RNF150: variants seen among roughly 807,000 people sequenced by gnomAD.
The protein encoded by RNF150 is ring finger protein 150.
In RNF150, 24 loss-of-function variants were observed where a neutral mutation model predicts 39.3. That is an observed-to-expected ratio of 0.61 (90% CI 0.44 to 0.86). The LOEUF is 0.86. RNF150 is among the 40% of genes least tolerant of loss of function. RNF150 has a pLI of 0.00. For missense variants in RNF150, 502 were observed against 587.8 expected, an observed-to-expected ratio of 0.85 and a Z score of 1.51; for synonymous variants, 255 against 227.3, an observed-to-expected ratio of 1.12 and a Z score of -1.10.
In RNF150 at chr4:141,132,324, C is replaced by A. The variant is rs1376305385; in HGVS notation, c.484+1G>T. The A allele has an allele frequency of 6.4e-7, 1 of 1,571,912 alleles. No individual in the cohort carries two copies. Among genetic ancestry groups the A allele is most frequent in the Admixed American group, 1.9e-5 (1 of 52,976 alleles). On this transcript the variant is annotated splice_donor_variant, in intron 1 of 6. Transcript: ENST00000515673. LOFTEE classifies it high-confidence loss of function. The surrounding 1 kb of genome is among the most constrained non-coding windows in gnomAD (Gnocchi z 4.9). ...TCCCCCGCGCCCGCTGGGCCACTCA[C>A]CCGCGTGGGGCATGGTGATGGTCTC...
chr4:141,025,935 G>C (rs1010206829), intron 1 of RNF150, among the ~76,000 whole-genome samples: 4 of 152,080 alleles, frequency 2.6e-5, no homozygotes, highest in Non-Finnish European at 2.9e-5. Context: ...CAATGATTAG[G>C]TCACAAGAGT....
intron 4 of RNF150, among the ~76,000 whole-genome samples, 185 bp from the exon 5 acceptor site, chr4:140,926,258 GTC>G (rs1731396028): frequency 6.6e-6 from 1 of 152,152 alleles, no homozygotes; most frequent in African/African-American, 2.4e-5. Flanking sequence ...GTCAAAATCT[GTC>G]TGGATCCCAA....
intron 5 of RNF150, among the ~76,000 whole-genome samples, chr4:140,917,594 G>A (rs1342664321): frequency 6.6e-6 from 1 of 152,146 alleles, no homozygotes; most frequent in Non-Finnish European, 1.5e-5. Flanking sequence ...CATAATGGGA[G>A]ACTTTAACAC....
intron 1 of RNF150, among the ~76,000 whole-genome samples, chr4:141,027,032 C>A (rs551314584): frequency 6.6e-6 from 1 of 152,104 alleles, no homozygotes; most frequent in African/African-American, 2.4e-5. Context: ...TTCCTTACAG[C>A]GACTTTTCTA....
intron 1 of RNF150, among the ~76,000 whole-genome samples, chr4:141,168,679 T>G (rs1727643967): frequency 6.6e-6 from 1 of 152,018 alleles, no homozygotes; most frequent in African/African-American, 2.4e-5. Context: ...TCATTCTCAG[T>G]AAACTAACAC....
At chr4:141,189,636 G>C (rs1286812506) in intron 1 of RNF150, among the ~76,000 whole-genome samples, 1 of 152,140 alleles carries the variant, frequency 6.6e-6, no homozygotes, top group Non-Finnish European at 1.5e-5. Context: ...GGCCACAGTT[G>C]CTTTGCTGCA....
intron 1 of RNF150, among the ~76,000 whole-genome samples, chr4:141,048,460 G>A (rs969636815): frequency 2.6e-5 from 4 of 152,178 alleles, no homozygotes; most frequent in Non-Finnish European, 4.4e-5. Flanking sequence ...CCTGGGTGCA[G>A]TGGTTCATGG....
intron 1 of RNF150, among the ~76,000 whole-genome samples, chr4:141,199,912 C>T (rs1262113583): frequency 1.3e-5 from 2 of 152,078 alleles, no homozygotes; most frequent in African/African-American, 4.8e-5. Flanking sequence ...GTAGAATGCC[C>T]TCAATATTTA....
chr4:141,108,050 C>T (rs906460558), intron 1 of RNF150, among the ~76,000 whole-genome samples: 5 of 152,168 alleles, frequency 3.3e-5, no homozygotes, highest in Middle Eastern at 3.2e-3. Flanking sequence ...ATCTCCAAAG[C>T]GTGACTCTCC....
chr4:141,122,802 T>C (rs1164979484), intron 1 of RNF150, among the ~76,000 whole-genome samples: 2 of 152,258 alleles, frequency 1.3e-5, no homozygotes, highest in African/African-American at 2.4e-5. Flanking sequence ...TGGTTCTTAC[T>C]ATCTCTTTTT....
At chr4:140,924,805 A>T (rs1731322722) in intron 5 of RNF150, among the ~76,000 whole-genome samples, 2 of 152,238 alleles carry the variant, frequency 1.3e-5, no homozygotes, top group South Asian at 4.1e-4. Flanking sequence ...TCAAAGGTAT[A>T]GTCACACAAG....
chr4:140,924,205 C>T (rs201746439), intron 5 of RNF150, among the ~76,000 whole-genome samples: 12 of 152,162 alleles, frequency 7.9e-5, no homozygotes, highest in East Asian at 3.9e-4. Context: ...AAATCCTATC[C>T]GACTTGTTAG....
intron 6 of RNF150, among the ~76,000 whole-genome samples, chr4:140,904,466 A>G (rs1294527468): frequency 6.6e-6 from 1 of 152,296 alleles, no homozygotes; most frequent in East Asian, 1.9e-4. Flanking sequence ...TCCAGCTGGC[A>G]TATTTATCCA....
chr4:141,072,108 T>C (rs1737728527), intron 1 of RNF150, among the ~76,000 whole-genome samples: 1 of 152,218 alleles, frequency 6.6e-6, no homozygotes, highest in African/African-American at 2.4e-5. Flanking sequence ...TGCTGCTGCA[T>C]GAACAAACAC....
At chr4:141,049,942 T>C (rs1736714971) in intron 1 of RNF150, among the ~76,000 whole-genome samples, 1 of 152,078 alleles carries the variant, frequency 6.6e-6, no homozygotes, top group Admixed American at 6.6e-5. Flanking sequence ...GAAATATATG[T>C]ACAACTATGT....
intron 2 of RNF150, among the ~76,000 whole-genome samples, chr4:140,949,898 T>G (rs1200918645): frequency 6.6e-6 from 1 of 152,232 alleles, no homozygotes; most frequent in Non-Finnish European, 1.5e-5. Context: ...GTGGCAATTT[T>G]ACCTCCTTTA....
intron 4 of RNF150, among the ~76,000 whole-genome samples, chr4:140,927,838 G>A (rs1183371135): frequency 2.0e-5 from 3 of 151,588 alleles, no homozygotes; most frequent in African/African-American, 7.3e-5. Flanking sequence ...TAGTAGAGAC[G>A]GGGTTTTGCC....
At chr4:140,935,979 A>C (rs1010654249) in intron 4 of RNF150, among the ~76,000 whole-genome samples, 1 of 152,202 alleles carries the variant, frequency 6.6e-6, no homozygotes, top group African/African-American at 2.4e-5. Flanking sequence ...TCATTCTAAC[A>C]TCTGTCACCA....
chr4:140,958,952 C>T (rs34827828), intron 2 of RNF150, among the ~76,000 whole-genome samples: 10,285 of 152,202 alleles, frequency 0.068, 433 homozygotes, highest in East Asian at 0.13. Flanking sequence ...TCTTTCCATG[C>T]CATCAGGGCT....
Sources: gnomAD v4.1 joint callset for allele counts (sites outside exome capture counted in the v4.1 genomes callset) on GRCh38, gnomAD v4.1.1 for gene constraint, Gnocchi (gnomAD v3.1) non-coding constraint, MANE v1.5 for transcripts, NCBI Gene and HGNC (gene_info 2026-07-23, HGNC 2026-07-21) for gene names.